Variants in LRRTM4 observed in about 807,000 individuals in gnomAD.
The protein encoded by LRRTM4 is leucine-rich repeat transmembrane neuronal protein 4.
A neutral mutation model predicts 47.6 loss-of-function variants in LRRTM4; 25 were observed. The observed-to-expected ratio is 0.53, with a 90% CI of 0.38 to 0.73. The LOEUF (loss-of-function observed/expected upper bound fraction) is 0.73. Ranked by LOEUF, LRRTM4 falls within the 30% of genes least tolerant of loss-of-function variation. The pLI, the probability that LRRTM4 is intolerant of heterozygous loss-of-function variation, is 0.00. For synonymous variants in LRRTM4, 311 were observed against 269.5 expected (o/e 1.15, Z -1.51); for missense variants, 638 against 713.4 (o/e 0.89, Z 1.20).
chr2:77,019,253 CAAAAA>C (rs56028060), intron 3 of LRRTM4, among the ~76,000 whole-genome samples: 32 of 80,530 alleles, frequency 4.0e-4, no homozygotes, highest in African/African-American at 1.0e-3. Flanking sequence ...CACTGCTCTA[CAAAAA>C]AAAAAAAAAA....
chr2:77,302,699 A>C (rs1677162507), intron 3 of LRRTM4, among the ~76,000 whole-genome samples: 1 of 152,192 alleles, frequency 6.6e-6, no homozygotes, highest in African/African-American at 2.4e-5. Flanking sequence ...TACTTGATGT[A>C]TCAAACTACC....
chr2:76,797,455 C>T (rs1675402356), intron 3 of LRRTM4, among the ~76,000 whole-genome samples: 1 of 151,852 alleles, frequency 6.6e-6, no homozygotes, highest in African/African-American at 2.4e-5. Context: ...TAAAAGAGCT[C>T]CTGAAGAAAG....
At chr2:76,887,493 A>G (rs1673114701) in intron 3 of LRRTM4, among the ~76,000 whole-genome samples, 1 of 146,744 alleles carries the variant, frequency 6.8e-6, no homozygotes, top group South Asian at 2.2e-4. Flanking sequence ...TTTATTTTAT[A>G]TTTATATATA....
At chr2:77,114,061 G>A (rs1464111099) in intron 3 of LRRTM4, among the ~76,000 whole-genome samples, 1 of 152,092 alleles carries the variant, frequency 6.6e-6, no homozygotes, top group African/African-American at 2.4e-5. Context: ...GGGAGAGGCT[G>A]ATCAGATAAC....
intron 3 of LRRTM4, among the ~76,000 whole-genome samples, chr2:77,106,553 TAATG>T (rs919355805): frequency 3.9e-5 from 6 of 151,958 alleles, no homozygotes; most frequent in African/African-American, 7.3e-5. Context: ...AAAAAAAACT[TAATG>T]AAGAGAAAAA....
At chr2:76,811,401 A>G (rs1221436094) in intron 3 of LRRTM4, among the ~76,000 whole-genome samples, 1 of 152,162 alleles carries the variant, frequency 6.6e-6, no homozygotes, top group African/African-American at 2.4e-5. Context: ...TTTGAAGAGG[A>G]AAGTGTGAGC....
intron 3 of LRRTM4, among the ~76,000 whole-genome samples, chr2:77,118,848 T>C (rs1308455090): frequency 6.6e-6 from 1 of 151,836 alleles, no homozygotes; most frequent in African/African-American, 2.4e-5. Context: ...TGAAAAAATC[T>C]TATAAAGCTG....
At chr2:76,793,552 G>A (rs894504472) in intron 3 of LRRTM4, among the ~76,000 whole-genome samples, 1 of 151,932 alleles carries the variant, frequency 6.6e-6, no homozygotes, top group African/African-American at 2.4e-5. Flanking sequence ...ATTTTTATAT[G>A]AGAAGCCCCC....
chr2:76,849,893 A>G (rs535475172), intron 3 of LRRTM4, among the ~76,000 whole-genome samples: 2 of 152,276 alleles, frequency 1.3e-5, no homozygotes, highest in African/African-American at 4.8e-5. Flanking sequence ...GTATAATTGT[A>G]TTACTCCTTG....
At chr2:76,851,624 T>A (rs2103973533) in intron 3 of LRRTM4, among the ~76,000 whole-genome samples, 1 of 152,238 alleles carries the variant, frequency 6.6e-6, no homozygotes, top group East Asian at 1.9e-4. Context: ...GATAATTGCT[T>A]GACCTCCCCA....
intron 3 of LRRTM4, among the ~76,000 whole-genome samples, chr2:77,290,386 AC>A (rs990804302): frequency 6.6e-6 from 1 of 151,932 alleles, no homozygotes. Flanking sequence ...AATGATGGTT[AC>A]CAGAGGCTGG....
At chr2:77,143,206 A>G (rs1672171902) in intron 3 of LRRTM4, among the ~76,000 whole-genome samples, 1 of 152,170 alleles carries the variant, frequency 6.6e-6, no homozygotes, top group South Asian at 2.1e-4. Context: ...TATGCAAAAG[A>G]TCCAGAATTC....
intron 3 of LRRTM4, among the ~76,000 whole-genome samples, chr2:77,177,524 CTTAAAAG>C (rs1673231524): frequency 6.6e-6 from 1 of 152,158 alleles, no homozygotes; most frequent in Non-Finnish European, 1.5e-5. Flanking sequence ...TCTCCAGTCT[CTTAAAAG>C]TTACCAAGGT....
intron 3 of LRRTM4, among the ~76,000 whole-genome samples, chr2:77,350,898 A>G (rs1671742974): frequency 6.6e-6 from 1 of 152,204 alleles, no homozygotes; most frequent in Non-Finnish European, 1.5e-5. Context: ...GAAAAAAATT[A>G]AAATATTAAA....
In LRRTM4 at chr2:77,087,669, G is replaced by A. The variant is rs182430463; in HGVS notation, c.1552-338753C>T. Among the ~76,000 whole-genome samples the A allele has an allele frequency of 3.6e-4, 54 of 152,094 alleles. 2 individuals are homozygous for A. Among genetic ancestry groups the A allele is most frequent in the Non-Finnish European group, 1.6e-4 (11 of 68,002 alleles). ...AACATAACTGAAGCCCAACAGCATA[G>A]GATAAAAATAATCAAATTCATTGGA... On this transcript the variant is annotated intron_variant, in intron 3 of 3. Transcript: ENST00000409884.
chr2:76,952,490 T>A (rs571460876), intron 3 of LRRTM4, among the ~76,000 whole-genome samples: 1 of 151,920 alleles, frequency 6.6e-6, no homozygotes, highest in East Asian at 1.9e-4. Context: ...CACAGTAAGA[T>A]ACCATCTCAC....
At chr2:77,423,290 G>A (rs570127337) in intron 3 of LRRTM4, among the ~76,000 whole-genome samples, 3 of 151,518 alleles carry the variant, frequency 2.0e-5, no homozygotes, top group Admixed American at 1.3e-4. Context: ...TTTATTTTAG[G>A]GCACATGGGT....
At chr2:76,954,792 G>A (rs1385629571) in intron 3 of LRRTM4, among the ~76,000 whole-genome samples, 1 of 151,742 alleles carries the variant, frequency 6.6e-6, no homozygotes, top group African/African-American at 2.4e-5. Flanking sequence ...AGCAATATGA[G>A]AAAAGCAACT....
chr2:77,094,901 C>T (rs1435267844), intron 3 of LRRTM4, among the ~76,000 whole-genome samples: 1 of 152,044 alleles, frequency 6.6e-6, no homozygotes, highest in Non-Finnish European at 1.5e-5. Context: ...ACCCCAAAAG[C>T]ACAAGCAACA....
Sources: allele counts gnomAD v4.1 joint callset (sites outside exome capture counted in the v4.1 genomes callset), GRCh38; gene constraint gnomAD v4.1.1; transcripts MANE v1.5; gene names NCBI Gene and HGNC (gene_info 2026-07-23, HGNC 2026-07-21).